The following TCF4 variants were observed in gnomAD, a reference collection of about 807,000 sequenced individuals.
TCF4 encodes the protein transcription factor 4.
TCF4 carries 3 observed loss-of-function variants against 82.1 expected under a neutral mutation model. The ratio of observed to expected loss-of-function variants is 0.04; its 90% CI spans 0.02 to 0.09. The LOEUF (loss-of-function observed/expected upper bound fraction) is 0.09, where lower values mean the gene tolerates loss of function less well. TCF4 is among the 10% of genes least tolerant of loss of function. The pLI, the probability that TCF4 is intolerant of heterozygous loss-of-function variation, is 1.00. For synonymous variants in TCF4, 276 were observed against 309.6 expected (o/e 0.89, Z 1.14); for missense variants, 518 against 852.7 (o/e 0.61, Z 4.89).
chr18:55,460,751 C>T (rs2144768305), intron 5 of TCF4, among the ~76,000 whole-genome samples: 1 of 152,238 alleles, frequency 6.6e-6, no homozygotes, highest in South Asian at 2.1e-4. Context: ...AACTGTGGTC[C>T]GTGCTTTAGG....
intron 5 of TCF4, among the ~76,000 whole-genome samples, chr18:55,417,153 A>C (rs1456645975): frequency 6.6e-6 from 1 of 152,186 alleles, no homozygotes; most frequent in Non-Finnish European, 1.5e-5. Context: ...TTTTTATCAA[A>C]GTTTAAATGC....
At chr18:55,634,426 T>A (rs994068201) in intron 1 of TCF4, among the ~76,000 whole-genome samples, 1 of 152,218 alleles carries the variant, frequency 6.6e-6, no homozygotes, top group Non-Finnish European at 1.5e-5. Flanking sequence ...AAACTGAGGC[T>A]CATGTTGTTT....
chr18:55,279,625 T>C lies in TCF4; in HGVS notation c.581A>G (p.Tyr194Cys). The C allele has an allele frequency of 1.2e-6, 2 of 1,614,004 alleles. No individual in the cohort carries two copies. The highest frequency in any genetic ancestry group is 1.7e-4 in the Middle Eastern group (1 of 6,060). ...VYAPSASTAD[Y>C]NRDSPGYPSS... ...AGGATAGCCTGGCGAGTCCCTATTG[T>C]AGTCGGCAGTGCTTGCTGATGGAGC... is the stretch of plus-strand genomic sequence containing the variant. Residue 194 changes from tyrosine to cysteine, a missense_variant, in exon 9 of 20, where the codon TAC (tyrosine) becomes TGC (cysteine). Transcript: ENST00000354452.
At chr18:55,474,764 GTTTT>G (rs869276891) in intron 3 of TCF4, among the ~76,000 whole-genome samples, 1 of 120,156 alleles carries the variant, frequency 8.3e-6, no homozygotes, top group Non-Finnish European at 2.0e-5. Flanking sequence ...AAGTTTTGGG[GTTTT>G]TGTTTGTTTT....
chr18:55,296,831 G>A (rs1475717790), intron 8 of TCF4, among the ~76,000 whole-genome samples: 2 of 152,130 alleles, frequency 1.3e-5, no homozygotes, highest in African/African-American at 4.8e-5. Context: ...TTAAGTGTGG[G>A]GGAGTGCACC....
intron 3 of TCF4, among the ~76,000 whole-genome samples, chr18:55,492,824 A>C (rs1225386047): frequency 6.6e-6 from 1 of 152,184 alleles, no homozygotes; most frequent in Admixed American, 6.5e-5. Context: ...ACTCATTCAT[A>C]CTATCTGGCT....
chr18:55,605,454 ACT>A (rs2097701389), intron 2 of TCF4, among the ~76,000 whole-genome samples: 1 of 152,002 alleles, frequency 6.6e-6, no homozygotes, highest in Admixed American at 6.6e-5. Flanking sequence ...GGCTGATTAG[ACT>A]CTGAGGTTCT....
At chr18:55,377,830 G>A (rs1160375469) in intron 6 of TCF4, among the ~76,000 whole-genome samples, 1 of 152,148 alleles carries the variant, frequency 6.6e-6, no homozygotes, top group Admixed American at 6.6e-5. Context: ...GTATTACTTT[G>A]TGAAACAAGA....
At chr18:55,490,894 T>C (rs1214499190) in intron 3 of TCF4, among the ~76,000 whole-genome samples, 1 of 152,160 alleles carries the variant, frequency 6.6e-6, no homozygotes, top group African/African-American at 2.4e-5. Context: ...TGACTGAGAA[T>C]GCTATTTAGT....
intron 3 of TCF4, among the ~76,000 whole-genome samples, chr18:55,517,897 G>C (rs2096898475): frequency 6.6e-6 from 1 of 152,094 alleles, no homozygotes; most frequent in Non-Finnish European, 1.5e-5. Flanking sequence ...TCTTCTGTTT[G>C]ACCTTGCATT....
chr18:55,511,080 C>A (rs777945511), intron 3 of TCF4, among the ~76,000 whole-genome samples: 1 of 152,006 alleles, frequency 6.6e-6, no homozygotes, highest in Admixed American at 6.6e-5. Context: ...GGCAAACTGT[C>A]GTCATTTCTT....
In TCF4 at chr18:55,226,132, C is replaced by T. The variant is rs117913194; in HGVS notation, c.*1903G>A. The T allele has an allele frequency of 3.5e-3, 538 of 152,556 alleles. 8 individuals are homozygous for T. Among genetic ancestry groups the T allele is most frequent in the East Asian group, 0.023 (119 of 5,184 alleles). The allele number at this position is 152,556 out of a possible 1,614,324, so 9.5% of individuals were successfully genotyped here. A position where few individuals can be genotyped will look rare whatever the true frequency, so the allele number is the denominator to read the frequency against. On this transcript the variant is annotated 3_prime_UTR_variant, in exon 20 of 20. Coordinates refer to ENST00000354452, the MANE Select transcript of TCF4 (RefSeq NM_001083962.2). ...AATTTCAAAATAATGATACGTTTGC[C>T]ATTTGTTGCATAAAATTTACAAATG...
intron 3 of TCF4, among the ~76,000 whole-genome samples, chr18:55,481,553 C>G (rs1220132038): frequency 6.6e-6 from 1 of 152,206 alleles, no homozygotes; most frequent in Non-Finnish European, 1.5e-5. Context: ...AAGTGAAGAA[C>G]ACCTGGATTT....
chr18:55,467,806 C>A (rs560632777), intron 3 of TCF4, among the ~76,000 whole-genome samples: 1 of 152,136 alleles, frequency 6.6e-6, no homozygotes, highest in African/African-American at 2.4e-5. Context: ...CTAAACTGTT[C>A]CTCACCTCTC....
At chr18:55,380,596 A>G (rs753691262) in intron 6 of TCF4, among the ~76,000 whole-genome samples, 4 of 152,180 alleles carry the variant, frequency 2.6e-5, no homozygotes, top group Non-Finnish European at 5.9e-5. Context: ...ATAGGACACA[A>G]ACAAGCAGCC....
intron 5 of TCF4, among the ~76,000 whole-genome samples, chr18:55,417,240 G>A (rs1017312507): frequency 2.0e-5 from 3 of 151,880 alleles, no homozygotes; most frequent in African/African-American, 7.3e-5. Flanking sequence ...TTCTCATCCC[G>A]CGACTGTGGA....
chr18:55,408,114 G>C (rs935997778), intron 5 of TCF4, among the ~76,000 whole-genome samples: 5 of 152,090 alleles, frequency 3.3e-5, no homozygotes, highest in Non-Finnish European at 5.9e-5. Flanking sequence ...TAATAACAGG[G>C]TCATGTTTGG....
intron 3 of TCF4, chr18:55,551,691 C>A (rs1012834170): frequency 2.6e-5 from 4 of 152,212 alleles, no homozygotes; most frequent in African/African-American, 9.7e-5. Context: ...TCCTGCACCT[C>A]ATACTTGCCA....
At chr18:55,495,835 T>C (rs1033182094) in intron 3 of TCF4, 2 of 152,220 alleles carry the variant, frequency 1.3e-5, no homozygotes, top group Admixed American at 6.5e-5. Flanking sequence ...TCTTTAATTA[T>C]GAAAAGGAAT....
Sources: gnomAD v4.1 joint callset for allele counts (sites outside exome capture counted in the v4.1 genomes callset) on GRCh38, gnomAD v4.1.1 for gene constraint, MANE v1.5 for transcripts, NCBI Gene and HGNC (gene_info 2026-07-23, HGNC 2026-07-21) for gene names.